PNPLA7: variants seen among roughly 807,000 people sequenced by gnomAD.
PNPLA7 encodes patatin like domain 7, lysophospholipase, also known as patatin-like phospholipase domain-containing protein 7.
PNPLA7 carries 153 observed loss-of-function variants against 161.7 expected under a neutral mutation model. The observed-to-expected ratio is 0.95, with a 90% CI of 0.83 to 1.08. The LOEUF (loss-of-function observed/expected upper bound fraction) is 1.08, where lower values mean the gene tolerates loss of function less well. Among genes scored for constraint, PNPLA7 ranks in the 50% least tolerant of loss-of-function variants. The pLI, the probability that PNPLA7 is intolerant of heterozygous loss-of-function variation, is 0.00. For synonymous variants in PNPLA7, 809 were observed against 782.1 expected, an observed-to-expected ratio of 1.03 and a Z score of -0.57; for missense variants, 1,739 against 1,856.6, an observed-to-expected ratio of 0.94 and a Z score of 1.16.
chr9:137,502,209 C>T (rs971293732), intron 14 of PNPLA7, among the ~76,000 whole-genome samples: 1 of 152,084 alleles, frequency 6.6e-6, no homozygotes, highest in Non-Finnish European at 1.5e-5. Flanking sequence ...TTGCAGTGGA[C>T]CCGGAGCCTG....
intron 26 of PNPLA7, among the ~76,000 whole-genome samples, chr9:137,466,833 C>T (rs552691345): frequency 5.6e-4 from 83 of 147,586 alleles, no homozygotes; most frequent in South Asian, 1.1e-3. Flanking sequence ...CTCCCACCAC[C>T]GTCTCCATCA....
chr9:137,473,828 C>T (rs773871282), intron 25 of PNPLA7, among the ~76,000 whole-genome samples: 3 of 152,198 alleles, frequency 2.0e-5, no homozygotes, highest in Non-Finnish European at 4.4e-5. Flanking sequence ...GTGGGTCACT[C>T]GAACTCTCAG....
chr9:137,496,141 G>GTTTT (rs55854515), intron 18 of PNPLA7, among the ~76,000 whole-genome samples: 1 of 138,230 alleles, frequency 7.2e-6, no homozygotes. Flanking sequence ...GTTTTTTTTT[G>GTTTT]TTTTTTTTTT....
At chr9:137,527,684 A>G (rs1564356034) in intron 8 of PNPLA7, among the ~76,000 whole-genome samples, 1 of 152,190 alleles carries the variant, frequency 6.6e-6, no homozygotes, top group Non-Finnish European at 1.5e-5. Flanking sequence ...GTATGTTTCT[A>G]ATGATGAGTG....
chr9:137,461,919 G>A lies in PNPLA7; in HGVS notation c.3756+12C>T. ...CCGGGGAGCTGGGCGTGGTCCGGAC[G>A]CCCGTACTCACCGCACTCGCGGGCT... On this transcript the variant is annotated intron_variant, in intron 32 of 34. Coordinates refer to ENST00000406427, the MANE Select transcript of PNPLA7 (RefSeq NM_001098537.3). The A allele has an allele frequency of 5.2e-6, 8 of 1,549,706 alleles. No homozygotes were observed. Among genetic ancestry groups the A allele is most frequent in the Non-Finnish European group, 6.9e-6 (8 of 1,152,848 alleles).
chr9:137,491,245 T>A (rs1832748313), intron 20 of PNPLA7, among the ~76,000 whole-genome samples: 1 of 152,112 alleles, frequency 6.6e-6, no homozygotes. Flanking sequence ...CACTCCAACC[T>A]AGACAAAATA....
At position 137,501,289 on chromosome 9, in the gene PNPLA7, G is replaced by A. The variant is rs144776459; in HGVS notation, c.1551+361C>T. 7.2e-5 allele frequency among the ~76,000 whole-genome samples: 11 copies of A among 152,280 alleles called. No individual in the cohort carries two copies. The South Asian group carries it at 8.3e-4, about 11-fold the overall frequency. On this transcript the variant is annotated intron_variant, in intron 15 of 34. Coordinates refer to ENST00000406427, the MANE Select transcript of PNPLA7 (RefSeq NM_001098537.3). Reference sequence around the variant, plus strand: ...CTGGCCCCTCCCACACTGAGCCCCCGGCACACGCCACGCGTTTTGGTCCCA... The same window carrying A: ...CTGGCCCCTCCCACACTGAGCCCCCAGCACACGCCACGCGTTTTGGTCCCA...
chr9:137,548,042 G>A (rs761191179), intron 1 of PNPLA7, among the ~76,000 whole-genome samples: 27 of 152,274 alleles, frequency 1.8e-4, no homozygotes, highest in Admixed American at 9.8e-4. Flanking sequence ...AAACCCCTAT[G>A]AGCCATCTGG....
intron 21 of PNPLA7, among the ~76,000 whole-genome samples, chr9:137,482,690 G>A (rs898806591): frequency 6.6e-6 from 1 of 152,236 alleles, no homozygotes; most frequent in Non-Finnish European, 1.5e-5. Context: ...ACACCCAGGA[G>A]GGCACGGACG....
chr9:137,549,524 C>A (rs1179543629), intron 1 of PNPLA7, among the ~76,000 whole-genome samples: 1 of 144,518 alleles, frequency 6.9e-6, no homozygotes, highest in Non-Finnish European at 1.5e-5. Flanking sequence ...GAGTTGAGAT[C>A]GTGCCACTGC....
chr9:137,500,775 A>G lies in PNPLA7; in HGVS notation c.1673T>C (p.Val558Ala), dbSNP rs1204163618. 1.2e-6 allele frequency: 2 copies of G among 1,612,070 alleles called. No homozygotes were observed. Among genetic ancestry groups the G allele is most frequent in the Non-Finnish European group, 1.7e-6 (2 of 1,179,752 alleles). Reference sequence around the variant, plus strand: ...GAAGATGAGAGGCTCCCCGGTGAGCACGGCCAGCTGGCCCACCATCTCCCC... The same window carrying G: ...GAAGATGAGAGGCTCCCCGGTGAGCGCGGCCAGCTGGCCCACCATCTCCCC... ...RPGEMVGQLAVLTGEPLIFTV... is the reference protein window; with the variant it reads ...RPGEMVGQLAALTGEPLIFTV... Residue 558 changes from valine (V) to alanine (A), a missense_variant, in exon 16 of 35, where the codon GTG (valine) becomes GCG (alanine). Physicochemically the swap from Val to Ala is moderately conservative, Grantham distance 64 (BLOSUM62 0). This residue lies in a region of PNPLA7 where 481 missense variants were observed against 450.0 expected (regional missense o/e 1.07). Coordinates refer to ENST00000406427, the MANE Select transcript of PNPLA7 (RefSeq NM_001098537.3). The surrounding 1 kb of genome is among the most constrained non-coding windows in gnomAD (Gnocchi z 5.5).
At chr9:137,518,188 C>T (rs1588663530) in intron 11 of PNPLA7, among the ~76,000 whole-genome samples, 3 of 137,622 alleles carry the variant, frequency 2.2e-5, no homozygotes, top group South Asian at 2.3e-4. Flanking sequence ...CTCCATCCCC[C>T]ACTCACTCAC....
chr9:137,491,484 G>A, intron 20 of PNPLA7: 1 of 981,268 alleles, frequency 1.0e-6, no homozygotes, highest in African/African-American at 1.7e-5. Context: ...GTGCCGGTAA[G>A]TGGAGAGCGA....
In PNPLA7 at chr9:137,520,048, G is replaced by A; in HGVS notation, c.958-5C>T. 1 of 1,611,974 alleles carries A rather than the reference G, an allele frequency of 6.2e-7. No individual in the cohort carries two copies. The highest frequency in any genetic ancestry group is 8.5e-7 in the Non-Finnish European group (1 of 1,179,808). ...GAGAGGGATGGCCTGGCTCTCCTGG[G>A]ACACAAGAAGGAAGTTCAGTGCCAC... On this transcript the variant is annotated splice_region_variant and splice_polypyrimidine_tract_variant and intron_variant, in intron 10 of 34. Transcript: ENST00000406427. This position sits in a 1 kb window ranked among gnomAD's most constrained non-coding sequence, Gnocchi z 5.2.
Position 137,462,188 on chromosome 9 carries a change from G to C in PNPLA7, c.3636C>G (p.Asn1212Lys), listed in dbSNP as rs1226785007. ...GGTGGCCGGCACTCACGCAGATCTC[G>C]TTGAACTTGCCGAAGTCCAGGGTGC... ...SYSTLDFGKF[N>K]EICEVGYQHG... The change falls in exon 31 of 35, where the codon AAC becomes AAG. Residue 1212 changes from asparagine (N) to lysine (K), a missense_variant. Transcript: ENST00000406427. 6.4e-7 allele frequency: 1 copy of C among 1,567,676 alleles called. No homozygotes were observed. The highest frequency in any genetic ancestry group is 1.4e-5 in the African/African-American group (1 of 73,700).
At chr9:137,536,512 A>G (rs1295816085) in intron 8 of PNPLA7, among the ~76,000 whole-genome samples, 12 of 152,174 alleles carry the variant, frequency 7.9e-5, no homozygotes. Flanking sequence ...AATCACCAAG[A>G]GGCCAAAAAT....
intron 14 of PNPLA7, 29 bp from the exon 15 acceptor site, chr9:137,501,756 C>CGA: frequency 6.2e-7 from 1 of 1,605,670 alleles, no homozygotes; most frequent in Non-Finnish European, 8.5e-7. Flanking sequence ...TCAGGGAACA[C>CGA]GGGCGGGAAG....
In PNPLA7 at chr9:137,464,363, C is replaced by T. The variant is rs371751958; in HGVS notation, c.3133G>A (p.Val1045Ile). 4.2e-5 allele frequency: 67 copies of T among 1,613,766 alleles called. No homozygotes were observed. Among genetic ancestry groups the T allele is most frequent in the African/African-American group, 2.5e-4 (19 of 74,880 alleles). ...GAGFNSSIFS[V>I]FKDQQIEDLW... ...ACCTCGATCTGCTGGTCCTTGAAGACGCTGAAGATGCTGCTGTTGAAGCCG... is the reference window on the plus strand; with the variant it reads ...ACCTCGATCTGCTGGTCCTTGAAGATGCTGAAGATGCTGCTGTTGAAGCCG... Residue 1045 changes from valine (V) to isoleucine (I), a missense_variant, in exon 27 of 35, where the codon GTC (valine) becomes ATC (isoleucine). Around this residue, in one of 6 missense-constraint regions of PNPLA7, gnomAD observed 703 missense variants for 694.6 expected, o/e 1.01. Transcript: ENST00000406427.
At chr9:137,508,567 CA>C (rs35287833) in intron 12 of PNPLA7, among the ~76,000 whole-genome samples, 14 of 138,766 alleles carry the variant, frequency 1.0e-4, no homozygotes, top group African/African-American at 8.0e-5. Context: ...GACTCTGTCT[CA>C]AAAAAAAAAG....
Sources: gnomAD v4.1 joint callset for allele counts (sites outside exome capture counted in the v4.1 genomes callset) on GRCh38, gnomAD v4.1.1 for gene constraint, gnomAD v4.1.1 regional missense constraint, Gnocchi (gnomAD v3.1) non-coding constraint, MANE v1.5 for transcripts, NCBI Gene and HGNC (gene_info 2026-07-23, HGNC 2026-07-21) for gene names.